PRKD1: variants seen among roughly 807,000 people sequenced by gnomAD.
The protein encoded by PRKD1 is serine/threonine-protein kinase D1.
PRKD1 carries 63 observed loss-of-function variants against 95.9 expected under a neutral mutation model. The observed-to-expected ratio is 0.66, with a 90% CI of 0.54 to 0.81. The LOEUF (loss-of-function observed/expected upper bound fraction) is 0.81. PRKD1 is among the 30% of genes least tolerant of loss of function. The pLI is 0.00. For missense variants in PRKD1, 1,048 were observed against 1,165.3 expected, an observed-to-expected ratio of 0.90 and a Z score of 1.47; for synonymous variants, 425 against 423.1, an observed-to-expected ratio of 1.00 and a Z score of -0.05.
chr14:29,718,715 G>C (rs1242971165), intron 2 of PRKD1, among the ~76,000 whole-genome samples: 1 of 152,188 alleles, frequency 6.6e-6, no homozygotes, highest in Non-Finnish European at 1.5e-5. Context: ...GTGACACTTA[G>C]ATGTCCAAGT....
intron 1 of PRKD1, among the ~76,000 whole-genome samples, chr14:29,922,235 A>G (rs1390765828): frequency 6.6e-6 from 1 of 150,494 alleles, no homozygotes. Flanking sequence ...CAGGAGGCAG[A>G]GTTTGCAGTG....
intron 1 of PRKD1, among the ~76,000 whole-genome samples, chr14:29,871,182 T>C (rs979724207): frequency 6.6e-6 from 1 of 152,052 alleles, no homozygotes; most frequent in African/African-American, 2.4e-5. Flanking sequence ...TTCCCTTTGG[T>C]AAGTGTGAGC....
At chr14:29,788,217 C>G (rs1436582991) in intron 1 of PRKD1, among the ~76,000 whole-genome samples, 1 of 152,050 alleles carries the variant, frequency 6.6e-6, no homozygotes, top group Non-Finnish European at 1.5e-5. Flanking sequence ...ATTGTTTTTT[C>G]TTTCAATACT....
At chr14:29,911,751 T>C (rs1009791983) in intron 1 of PRKD1, among the ~76,000 whole-genome samples, 1 of 152,214 alleles carries the variant, frequency 6.6e-6, no homozygotes, top group African/African-American at 2.4e-5. Context: ...TAAACAAAAA[T>C]TTATTATCTT....
At chr14:29,774,834 A>G (rs1030094065) in intron 1 of PRKD1, among the ~76,000 whole-genome samples, 1 of 152,192 alleles carries the variant, frequency 6.6e-6, no homozygotes, top group Non-Finnish European at 1.5e-5. Flanking sequence ...GTTAGGAGAT[A>G]CTAAGAAAGT....
intron 2 of PRKD1, among the ~76,000 whole-genome samples, chr14:29,667,748 A>G (rs1001681796): frequency 5.3e-5 from 8 of 152,156 alleles, no homozygotes; most frequent in Non-Finnish European, 8.8e-5. Flanking sequence ...CCAAACAACT[A>G]TGACAATACT....
chr14:29,846,755 G>C (rs923582812), intron 1 of PRKD1, among the ~76,000 whole-genome samples: 1 of 152,204 alleles, frequency 6.6e-6, no homozygotes, highest in Non-Finnish European at 1.5e-5. Context: ...TTGACTGGCA[G>C]GTGAGAGTGA....
At chr14:29,788,612 C>T (rs1313921000) in intron 1 of PRKD1, among the ~76,000 whole-genome samples, 2 of 151,968 alleles carry the variant, frequency 1.3e-5, no homozygotes, top group Non-Finnish European at 2.9e-5. Context: ...CTTCTTTTTT[C>T]TTTTCTTAAT....
At chr14:29,697,777 G>A (rs1475056122) in intron 2 of PRKD1, among the ~76,000 whole-genome samples, 1 of 152,004 alleles carries the variant, frequency 6.6e-6, no homozygotes, top group Non-Finnish European at 1.5e-5. Context: ...TTAACAAACA[G>A]TAAGCTTTAA....
intron 1 of PRKD1, among the ~76,000 whole-genome samples, chr14:29,801,837 C>T (rs1377007319): frequency 7.2e-5 from 11 of 152,098 alleles, no homozygotes; most frequent in Admixed American, 2.0e-4. Flanking sequence ...CACAGGCATG[C>T]GCCAACACAC....
chr14:29,813,220 A>G (rs1343665868), intron 1 of PRKD1, among the ~76,000 whole-genome samples: 1 of 152,258 alleles, frequency 6.6e-6, no homozygotes, highest in African/African-American at 2.4e-5. Context: ...GCAAAAGCAT[A>G]TCTTTATTTA....
chr14:29,643,053 TG>T (rs1276705140), intron 4 of PRKD1, among the ~76,000 whole-genome samples: 1 of 152,156 alleles, frequency 6.6e-6, no homozygotes, highest in African/African-American at 2.4e-5. Flanking sequence ...TTTATAACTA[TG>T]GGCAACACAT....
At chr14:29,697,934 A>C (rs1884622005) in intron 2 of PRKD1, among the ~76,000 whole-genome samples, 1 of 152,198 alleles carries the variant, frequency 6.6e-6, no homozygotes, top group South Asian at 2.1e-4. Context: ...GCAGTATCTG[A>C]AGATGCACTA....
At chr14:29,917,449 C>A (rs1324545871) in intron 1 of PRKD1, among the ~76,000 whole-genome samples, 2 of 151,826 alleles carry the variant, frequency 1.3e-5, no homozygotes, top group Non-Finnish European at 2.9e-5. Flanking sequence ...AAATTTCAAG[C>A]AAAAATTCCT....
chr14:29,845,237 C>T (rs868063337), intron 1 of PRKD1, among the ~76,000 whole-genome samples: 26 of 152,160 alleles, frequency 1.7e-4, no homozygotes, highest in Middle Eastern at 3.4e-3. Context: ...CATAACTGGT[C>T]TGTAAAGAAA....
At chr14:29,843,566 A>G (rs1288963144) in intron 1 of PRKD1, among the ~76,000 whole-genome samples, 1 of 152,198 alleles carries the variant, frequency 6.6e-6, no homozygotes, top group African/African-American at 2.4e-5. Context: ...AAAATTCTAA[A>G]TGGCTAGTCA....
chr14:29,601,842 G>A (rs2093157414), intron 13 of PRKD1, among the ~76,000 whole-genome samples: 1 of 152,160 alleles, frequency 6.6e-6, no homozygotes. Context: ...TGTTAGAGAA[G>A]CCAGACTGAC....
intron 1 of PRKD1, among the ~76,000 whole-genome samples, chr14:29,832,838 T>C (rs1891466919): frequency 6.6e-6 from 1 of 152,144 alleles, no homozygotes; most frequent in Non-Finnish European, 1.5e-5. Flanking sequence ...TTAACAAGGC[T>C]CCCAGTGACG....
At chr14:29,915,493 A>T (rs1331978326) in intron 1 of PRKD1, among the ~76,000 whole-genome samples, 1 of 152,242 alleles carries the variant, frequency 6.6e-6, no homozygotes, top group African/African-American at 2.4e-5. Flanking sequence ...AATATTTCTC[A>T]AATTTCACTA....
Sources: gnomAD v4.1 joint callset for allele counts (sites outside exome capture counted in the v4.1 genomes callset) on GRCh38, gnomAD v4.1.1 for gene constraint, MANE v1.5 for transcripts, NCBI Gene and HGNC (gene_info 2026-07-23, HGNC 2026-07-21) for gene names.